The following DMXL1 variants were observed in gnomAD, a reference collection of about 807,000 sequenced individuals.
DMXL1 encodes dmX-like protein 1.
A neutral mutation model predicts 319.2 loss-of-function variants in DMXL1; 99 were observed. The observed-to-expected ratio is 0.31, with a 90% CI of 0.26 to 0.37. The LOEUF is 0.37. Among genes scored for constraint, DMXL1 ranks in the 10% least tolerant of loss-of-function variants. The pLI is 1.00. For missense variants in DMXL1, 3,745 were observed against 3,595.6 expected, an observed-to-expected ratio of 1.04 and a Z score of -1.06; for synonymous variants, 1,385 against 1,235.2, an observed-to-expected ratio of 1.12 and a Z score of -2.54.
At chr5:119,097,088 C>T (rs796898184) in intron 1 of DMXL1, among the ~76,000 whole-genome samples, 1 of 152,114 alleles carries the variant, frequency 6.6e-6, no homozygotes, top group Admixed American at 6.5e-5. Flanking sequence ...TAGAAAAGAC[C>T]AGGCAGATAA....
rs1188935966 is a variant in DMXL1 at position 119,149,169 on chromosome 5, C to T, written c.3342C>T (p.Ser1114=). ...TGGATTCTGGCATTAGTGTTGATAG[C>T]AATTTAGTGGCCTATAATAAACAAG... ...TVLDSGISVD[S]NLVAYNKQDM... The change falls in exon 18 of 44, where the codon AGC becomes AGT. Residue 1114 remains serine (S), a synonymous_variant. Coordinates refer to ENST00000539542, the MANE Select transcript of DMXL1 (RefSeq NM_001290321.3). The T allele has an allele frequency of 6.2e-7, 1 of 1,613,570 alleles. No individual in the cohort carries two copies. The highest frequency in any genetic ancestry group is 1.7e-5 in the Admixed American group (1 of 59,970).
chr5:119,127,950 C>G (rs990605166), intron 9 of DMXL1: 5 of 383,132 alleles, frequency 1.3e-5, no homozygotes, highest in African/African-American at 8.5e-5. Flanking sequence ...TGGTTTAAGT[C>G]CATGTCCTGA....
At chr5:119,233,283 A>C in intron 38 of DMXL1, 57 bp from the exon 39 acceptor site, 1 of 1,563,218 alleles carries the variant, frequency 6.4e-7, no homozygotes. Flanking sequence ...ATAAAGAAAT[A>C]ACTTTTCCCA....
At chr5:119,134,955 G>A (rs1765673232) in intron 13 of DMXL1, among the ~76,000 whole-genome samples, 1 of 152,210 alleles carries the variant, frequency 6.6e-6, no homozygotes, top group Non-Finnish European at 1.5e-5. Context: ...ATCCCCAGAG[G>A]CAGCCTTCGG....
intron 38 of DMXL1, among the ~76,000 whole-genome samples, chr5:119,225,907 A>T (rs891604803): frequency 6.6e-6 from 1 of 152,176 alleles, no homozygotes; most frequent in Non-Finnish European, 1.5e-5. Context: ...AATGTGTTTT[A>T]TATATAAAAT....
chr5:119,143,638 T>C (rs1767897512), intron 13 of DMXL1, among the ~76,000 whole-genome samples: 1 of 152,058 alleles, frequency 6.6e-6, no homozygotes, highest in South Asian at 2.1e-4. Flanking sequence ...TTTTTCTCTG[T>C]ACCAACTGAG....
At chr5:119,111,934 G>A (rs1472144039) in intron 5 of DMXL1, among the ~76,000 whole-genome samples, 2 of 152,110 alleles carry the variant, frequency 1.3e-5, no homozygotes, top group Admixed American at 1.3e-4. Flanking sequence ...CTTGTATACT[G>A]TCAATAAAGC....
intron 39 of DMXL1, among the ~76,000 whole-genome samples, chr5:119,233,799 C>T (rs1239710188): frequency 6.6e-6 from 1 of 152,152 alleles, no homozygotes; most frequent in African/African-American, 2.4e-5. Flanking sequence ...CAAGTAACAT[C>T]TAGAGCTTAT....
chr5:119,177,404 T>C lies in DMXL1; in HGVS notation c.6806T>C (p.Leu2269Pro). ...ACTGGAATGGTATATCAGACAGTACTGCTTCCTCATCGACCTTCTTTGAAA... is the reference window on the plus strand; with the variant it reads ...ACTGGAATGGTATATCAGACAGTACCGCTTCCTCATCGACCTTCTTTGAAA... The part of the protein sequence containing the change: ...QFTGMVYQTV[L>P]LPHRPSLKTG... Residue 2269 changes from leucine (L) to proline (P), a missense_variant, in exon 27 of 44, where the codon CTG (leucine) becomes CCG (proline). Physicochemically the swap from Leu to Pro is moderately conservative, Grantham distance 98. Coordinates refer to ENST00000539542, the MANE Select transcript of DMXL1 (RefSeq NM_001290321.3). 6.2e-7 allele frequency: 1 copy of C among 1,608,842 alleles called. No individual in the cohort carries two copies. The highest frequency in any genetic ancestry group is 1.1e-5 in the South Asian group (1 of 90,544).
chr5:119,103,756 C>G (rs992722977), intron 3 of DMXL1, among the ~76,000 whole-genome samples: 1 of 152,102 alleles, frequency 6.6e-6, no homozygotes, highest in African/African-American at 2.4e-5. Context: ...CAGCCCAGAA[C>G]AGTGTATTTC....
chr5:119,075,575 T>G (rs1451717954), intron 1 of DMXL1, among the ~76,000 whole-genome samples: 1 of 152,152 alleles, frequency 6.6e-6, no homozygotes, highest in Non-Finnish European at 1.5e-5. Flanking sequence ...GTTAGGCATT[T>G]TATCATCAAC....
At chr5:119,118,770 A>G in intron 7 of DMXL1, 45 bp from the exon 8 acceptor site, 11 of 1,426,290 alleles carry the variant, frequency 7.7e-6, no homozygotes, top group African/African-American at 2.9e-5. Flanking sequence ...CTGTGATACT[A>G]TGTGAAATTT....
intron 22 of DMXL1, 64 bp from the exon 23 acceptor site, chr5:119,167,539 A>G: frequency 1.5e-6 from 2 of 1,347,406 alleles, no homozygotes; most frequent in Non-Finnish European, 2.0e-6. Flanking sequence ...TTAGTGAGTT[A>G]ACAGAATTTA....
intron 34 of DMXL1, among the ~76,000 whole-genome samples, chr5:119,209,348 AT>A (rs34115254): frequency 0.045 from 6,234 of 137,136 alleles, 310 homozygotes; most frequent in African/African-American, 0.13. Context: ...ATCCCATTCT[AT>A]TTTTTTTTTT....
At chr5:119,217,708 T>G (rs577459054) in intron 35 of DMXL1, among the ~76,000 whole-genome samples, 1 of 152,288 alleles carries the variant, frequency 6.6e-6, no homozygotes, top group African/African-American at 2.4e-5. Flanking sequence ...GTTCCTAATT[T>G]TAAAATAATT....
Position 119,195,520 on chromosome 5 carries a change from T to C in DMXL1, c.7458-851T>C, listed in dbSNP as rs573190145. On this transcript the variant is annotated intron_variant, in intron 30 of 43. Transcript: ENST00000539542. ...TGTGATTTCACTTACATGAGGTACC[T>C]AGAATAGTGAAATACATAAAGAATA... Among the ~76,000 whole-genome samples, 47 of 152,318 alleles carry C rather than the reference T, an allele frequency of 3.1e-4. 1 individual carries two copies. In the South Asian group the frequency reaches 7.0e-3, roughly 23 times the overall value.
chr5:119,091,369 C>G (rs1404324473), intron 1 of DMXL1, among the ~76,000 whole-genome samples: 3 of 152,032 alleles, frequency 2.0e-5, no homozygotes, highest in Admixed American at 1.3e-4. Context: ...CCACACCCAG[C>G]TAATGTTTTT....
At chr5:119,097,924 A>C in intron 1 of DMXL1, 55 bp from the exon 2 acceptor site, 2 of 1,436,228 alleles carry the variant, frequency 1.4e-6, no homozygotes, top group Non-Finnish European at 1.9e-6. Flanking sequence ...CTAGTATTCT[A>C]CATGGTAAAT....
intron 1 of DMXL1, among the ~76,000 whole-genome samples, chr5:119,077,052 A>C (rs1346509337): frequency 6.6e-6 from 1 of 152,220 alleles, no homozygotes; most frequent in Non-Finnish European, 1.5e-5. Context: ...TGGGGGTCTC[A>C]CTGTATTGAC....
Sources: gnomAD v4.1 joint callset for allele counts (sites outside exome capture counted in the v4.1 genomes callset) on GRCh38, gnomAD v4.1.1 for gene constraint, MANE v1.5 for transcripts, NCBI Gene and HGNC (gene_info 2026-07-23, HGNC 2026-07-21) for gene names.